The following PPID variants were observed in gnomAD, a reference collection of about 807,000 sequenced individuals.
PPID encodes the protein peptidylprolyl isomerase D, also known as peptidyl-prolyl cis-trans isomerase D.
Under a neutral mutation model 48.1 loss-of-function variants are expected in PPID, and 47 were observed. That is an observed-to-expected ratio of 0.98 (90% CI 0.77 to 1.25). The LOEUF (loss-of-function observed/expected upper bound fraction) is 1.25, where lower values mean the gene tolerates loss of function less well. Among genes scored for constraint, PPID ranks in the 50% most tolerant of loss-of-function variants. The pLI, the probability that PPID is intolerant of heterozygous loss-of-function variation, is 0.00. For synonymous variants in PPID, 163 were observed against 148.8 expected, an observed-to-expected ratio of 1.10 and a Z score of -0.69; for missense variants, 429 against 443.5, an observed-to-expected ratio of 0.97 and a Z score of 0.29.
Position 158,723,373 on chromosome 4 carries a change from C to G in PPID, c.-85G>C. 7.3e-7 allele frequency: 1 copy of G among 1,373,234 alleles called. No homozygotes were observed. The allele number at this position is 1,373,234 out of a possible 1,614,324, so 85.1% of individuals were successfully genotyped here. A position where few individuals can be genotyped will look rare whatever the true frequency, so the allele number is the denominator to read the frequency against. The stretch of plus-strand genomic sequence containing the variant: ...CCCAAACTCCAGAGTCCGTCTCCGC[C>G]GGAGACCGGCAGCGACGCTGACCGG... On this transcript the variant is annotated 5_prime_UTR_variant, in exon 1 of 10. Coordinates refer to ENST00000307720, the MANE Select transcript of PPID (RefSeq NM_005038.3).
At position 158,716,952 on chromosome 4, in the gene PPID, C is replaced by T. The variant is rs556821308; in HGVS notation, c.522+60G>A. 6 of 1,511,712 alleles carry T rather than the reference C, an allele frequency of 4.0e-6. No individual in the cohort carries two copies. The Admixed American group carries it at 8.6e-5, about 22-fold the overall frequency. 93.6% of individuals were successfully genotyped at this position (1,511,712 alleles called of 1,614,324 possible). The stretch of plus-strand genomic sequence containing the variant: ...CTCCAGCCTGGAACAGATCGAGACT[C>T]CGTCTCAAAAAGATAGCAACTAAGA... On this transcript the variant is annotated intron_variant, in intron 4 of 9. Coordinates refer to ENST00000307720, the MANE Select transcript of PPID (RefSeq NM_005038.3).
In PPID at chr4:158,723,188, G is replaced by T; in HGVS notation, c.85+16C>A. On this transcript the variant is annotated intron_variant, in intron 1 of 9. Transcript: ENST00000307720. Reference sequence around the variant, plus strand: ...GCCTCCTCGGGGCTTTTCCGCGAGCGTCAGACTCCGCTCACCTCGCTCCCC... The same window carrying T: ...GCCTCCTCGGGGCTTTTCCGCGAGCTTCAGACTCCGCTCACCTCGCTCCCC... 1 of 1,609,594 alleles carries T rather than the reference G, an allele frequency of 6.2e-7. No homozygotes were observed. The highest frequency in any genetic ancestry group is 8.5e-7 in the Non-Finnish European group (1 of 1,177,000).
chr4:158,723,346 C>T lies in PPID; in HGVS notation c.-58G>A, dbSNP rs1457172143. 11 of 1,527,682 alleles carry T rather than the reference C, an allele frequency of 7.2e-6. No individual in the cohort carries two copies. The highest frequency in any genetic ancestry group is 2.7e-5 in the African/African-American group (2 of 72,798). The allele number at this position is 1,527,682 out of a possible 1,614,324, so 94.6% of individuals were successfully genotyped here. A position where few individuals can be genotyped will look rare whatever the true frequency, so the allele number is the denominator to read the frequency against. Reference sequence around the variant, plus strand: ...CAGAGTACCTAGTGGCCGCCCGGGCCGCCCAAACTCCAGAGTCCGTCTCCG... The same window carrying T: ...CAGAGTACCTAGTGGCCGCCCGGGCTGCCCAAACTCCAGAGTCCGTCTCCG... On this transcript the variant is annotated 5_prime_UTR_variant, in exon 1 of 10. Transcript: ENST00000307720.
intron 6 of PPID, 93 bp from the exon 7 acceptor site, chr4:158,713,353 A>G: frequency 8.5e-7 from 1 of 1,179,180 alleles, no homozygotes; most frequent in Non-Finnish European, 1.1e-6. Flanking sequence ...TTTCTGATAT[A>G]AAAAGCTCTA....
At position 158,721,407 on chromosome 4, in the gene PPID, TC is replaced by T; in HGVS notation, c.161del (p.Gly54GlufsTer28). 1 of 1,614,064 alleles carries T rather than the reference TC, an allele frequency of 6.2e-7. No individual in the cohort carries two copies. The highest frequency in any genetic ancestry group is 1.1e-5 in the South Asian group (1 of 91,084). On this transcript the variant is annotated frameshift_variant, in exon 2 of 10. Coordinates refer to ENST00000307720, the MANE Select transcript of PPID (RefSeq NM_005038.3). LOFTEE classifies it high-confidence loss of function. ...CAGTCGTGTGTCCAATGCCTTTTTC[TC>T]CTGTACACAGTGCACGAAAATTTTC... ...TAENFRALCT[G>X]EKGIGHTTGK...
At chr4:158,722,372 C>A (rs2126342579) in intron 1 of PPID, among the ~76,000 whole-genome samples, 1 of 152,362 alleles carries the variant, frequency 6.6e-6, no homozygotes, top group East Asian at 1.9e-4. Flanking sequence ...GTGCTCTGAG[C>A]AAACTGCCTC....
At chr4:158,719,949 G>C (rs1561257294) in intron 2 of PPID, among the ~76,000 whole-genome samples, 1 of 152,116 alleles carries the variant, frequency 6.6e-6, no homozygotes, top group Non-Finnish European at 1.5e-5. Context: ...CCATGTGCAG[G>C]CTTCCTTATG....
chr4:158,715,560 A>C lies in PPID; in HGVS notation c.645+2T>G, dbSNP rs1216353923. ...AAGTTTGACTAATCTGAAAGTACTC[A>C]CATCTTTTAAATCTATATCCGCATC... is the stretch of plus-strand genomic sequence containing the variant. On this transcript the variant is annotated splice_donor_variant, in intron 5 of 9. Transcript: ENST00000307720. LOFTEE classifies it high-confidence loss of function. 6.2e-7 allele frequency: 1 copy of C among 1,613,636 alleles called. No individual in the cohort carries two copies. Among genetic ancestry groups the C allele is most frequent in the African/African-American group, 1.3e-5 (1 of 74,920 alleles).
At chr4:158,720,701 TTTTGTTTG>T (rs10580126) in intron 2 of PPID, among the ~76,000 whole-genome samples, 3,971 of 135,570 alleles carry the variant, frequency 0.029, 111 homozygotes, top group African/African-American at 0.084. Context: ...TTATGCATTT[TTTTGTTTG>T]TTTGTTTGTT....
chr4:158,722,201 G>C (rs148408769), intron 1 of PPID, among the ~76,000 whole-genome samples: 21 of 152,276 alleles, frequency 1.4e-4, no homozygotes, highest in African/African-American at 4.8e-4. Flanking sequence ...CAAAAGATTA[G>C]CACCATGTAA....
chr4:158,715,445 T>G (rs1330648467), intron 5 of PPID, 42 bp from the exon 6 acceptor site: 2 of 1,496,068 alleles, frequency 1.3e-6, no homozygotes, highest in Non-Finnish European at 1.8e-6. Context: ...TAGTAAGTAA[T>G]GTGGTTTAAT....
chr4:158,721,515 AAAC>A, intron 1 of PPID, 32 bp from the exon 2 acceptor site: 1 of 1,602,920 alleles, frequency 6.2e-7, no homozygotes, highest in Non-Finnish European at 8.5e-7. Flanking sequence ...TCAGTATGCA[AAAC>A]AACCAAATAG....
At chr4:158,710,506 C>G in intron 9 of PPID, 122 bp downstream of exon 9, 3 of 1,032,038 alleles carry the variant, frequency 2.9e-6, no homozygotes, top group Admixed American at 1.9e-5. Context: ...CCTGGCCCAA[C>G]AGCAGGCATT....
chr4:158,720,215 C>T (rs1388563883), intron 2 of PPID, among the ~76,000 whole-genome samples: 1 of 152,140 alleles, frequency 6.6e-6, no homozygotes, highest in Non-Finnish European at 1.5e-5. Flanking sequence ...TGTCAAGTTC[C>T]CAGACTCCAA....
chr4:158,715,248 TAATTC>T, intron 6 of PPID, 44 bp downstream of exon 6: 1 of 1,311,150 alleles, frequency 7.6e-7, no homozygotes, highest in Admixed American at 3.3e-5. Flanking sequence ...TTTTAGTTTA[TAATTC>T]AATTTATAAT....
rs749140777 is a variant in PPID, at chr4:158,723,250, G to A, written c.39C>T (p.Pro13=). ...CGTCAAAGAAGACTCGAGGGTTACTGGGGTTGGAGGGCTTGGCTTGGGGGG... is the reference window on the plus strand; with the variant it reads ...CGTCAAAGAAGACTCGAGGGTTACTAGGGTTGGAGGGCTTGGCTTGGGGGG... The part of the protein sequence containing the change: ...HPSPQAKPSN[P]SNPRVFFDVD... Residue 13 remains proline (P), a synonymous_variant, in exon 1 of 10, where the codon CCC becomes CCT. Transcript: ENST00000307720. The A allele has an allele frequency of 6.2e-7, 1 of 1,614,096 alleles. No homozygotes were observed. The highest frequency in any genetic ancestry group is 1.7e-5 in the Admixed American group (1 of 60,034).
intron 6 of PPID, 117 bp downstream of exon 6, chr4:158,715,180 T>A (rs1186232712): frequency 1.7e-5 from 15 of 860,838 alleles, no homozygotes; most frequent in Admixed American, 7.7e-5. Flanking sequence ...ATGCAACTAT[T>A]TCAACACACC....
Position 158,709,767 on chromosome 4 carries a change from TCTTTATCTTTCTGTGC to T in PPID, c.1066_1081del (p.Ala356ArgfsTer21). The T allele has an allele frequency of 6.2e-7, 1 of 1,611,708 alleles. No homozygotes were observed. The highest frequency in any genetic ancestry group is 8.5e-7 in the Non-Finnish European group (1 of 1,178,696). ...AAACATTTTTGCATATACTGCCTTC[TCTTTATCTTTCTGTGC>T]CTTTATCTTTTGTTTGACTTTCAGC... On this transcript the variant is annotated frameshift_variant, in exon 10 of 10. Transcript: ENST00000307720. LOFTEE classifies it high-confidence loss of function.
Position 158,709,837 on chromosome 4 carries a change from T to A in PPID, c.1025-13A>T. On this transcript the variant is annotated splice_polypyrimidine_tract_variant and intron_variant, in intron 9 of 9. Coordinates refer to ENST00000307720, the MANE Select transcript of PPID (RefSeq NM_005038.3). ...TCTGCCTGGATAGCTGTAAAATAAA[T>A]ATGCAATGTGAGTTATTTCTCAAAA... is the stretch of plus-strand genomic sequence containing the variant. The A allele has an allele frequency of 6.3e-7, 1 of 1,583,376 alleles. No individual in the cohort carries two copies. Among genetic ancestry groups the A allele is most frequent in the Admixed American group, 1.7e-5 (1 of 59,700 alleles).
Sources: allele counts gnomAD v4.1 joint callset (sites outside exome capture counted in the v4.1 genomes callset), GRCh38; gene constraint gnomAD v4.1.1; transcripts MANE v1.5; gene names NCBI Gene and HGNC (gene_info 2026-07-23, HGNC 2026-07-21).